NKAIN2: variants seen among roughly 807,000 people sequenced by gnomAD.
NKAIN2 encodes the protein sodium/potassium transporting ATPase interacting 2.
NKAIN2 carries 14 observed loss-of-function variants against 32.6 expected under a neutral mutation model. The observed-to-expected ratio is 0.43, with a 90% CI of 0.28 to 0.67. NKAIN2 has a LOEUF of 0.67. Among genes scored for constraint, NKAIN2 ranks in the 30% least tolerant of loss-of-function variants. NKAIN2 has a pLI of 0.17. For missense variants in NKAIN2, 198 were observed against 258.3 expected (o/e 0.77, Z 1.60); for synonymous variants, 80 against 87.2 (o/e 0.92, Z 0.46).
chr6:124,476,097 T>TGTGTGTGTGC (rs1491311913), intron 3 of NKAIN2, among the ~76,000 whole-genome samples: 17 of 128,574 alleles, frequency 1.3e-4, no homozygotes, highest in African/African-American at 4.6e-4. Context: ...TGTGTGTGTG[T>TGTGTGTGTGC]GCGTGCGCGC....
intron 3 of NKAIN2, among the ~76,000 whole-genome samples, chr6:124,636,982 C>T (rs948561465): frequency 1.3e-5 from 2 of 151,960 alleles, no homozygotes; most frequent in Admixed American, 6.6e-5. Flanking sequence ...TGGATGCAAA[C>T]GTCCTCAACA....
intron 1 of NKAIN2, among the ~76,000 whole-genome samples, chr6:123,960,845 G>C (rs985908745): frequency 6.6e-6 from 1 of 151,642 alleles, no homozygotes; most frequent in Non-Finnish European, 1.5e-5. Context: ...TAGAGTAAGG[G>C]AGTGGGGGCT....
chr6:124,315,830 A>G (rs1208928469), intron 2 of NKAIN2, among the ~76,000 whole-genome samples: 1 of 152,106 alleles, frequency 6.6e-6, no homozygotes, highest in Non-Finnish European at 1.5e-5. Flanking sequence ...ATTAACTCTT[A>G]TTTGCTTATA....
chr6:124,665,511 CT>C (rs1177211737), intron 4 of NKAIN2, among the ~76,000 whole-genome samples: 10 of 152,174 alleles, frequency 6.6e-5, no homozygotes, highest in African/African-American at 9.7e-5. Flanking sequence ...GTTCTCTATA[CT>C]GGCTGAGAAT....
intron 1 of NKAIN2, among the ~76,000 whole-genome samples, chr6:124,066,068 G>T (rs1783158449): frequency 1.3e-5 from 2 of 152,088 alleles, no homozygotes; most frequent in African/African-American, 4.8e-5. Flanking sequence ...TTGCACCTCT[G>T]CACAATCTCA....
rs189551196 is a variant in NKAIN2, at chr6:124,218,693, C to T, written c.55-64312C>T. The stretch of plus-strand genomic sequence containing the variant: ...AGAGTTGATTTGTTCTGACATAATT[C>T]TAATCAATTATAGTAAGTTGTAGAT... On this transcript the variant is annotated intron_variant, in intron 1 of 6. Coordinates refer to ENST00000368417, the MANE Select transcript of NKAIN2 (RefSeq NM_001040214.3). 3.9e-5 allele frequency among the ~76,000 whole-genome samples: 6 copies of T among 152,184 alleles called. No homozygotes were observed. In the East Asian group the frequency reaches 1.2e-3, roughly 29 times the overall value.
chr6:123,966,914 CT>C (rs1404381988), intron 1 of NKAIN2, among the ~76,000 whole-genome samples: 1 of 152,102 alleles, frequency 6.6e-6, no homozygotes, highest in African/African-American at 2.4e-5. Flanking sequence ...AGTAGTGTTG[CT>C]ATTTTATGCT....
intron 3 of NKAIN2, among the ~76,000 whole-genome samples, chr6:124,371,040 T>A (rs765231134): frequency 1.3e-5 from 2 of 152,164 alleles, no homozygotes; most frequent in Non-Finnish European, 2.9e-5. Flanking sequence ...GTGTGCTACA[T>A]AATGAGTCCA....
chr6:124,636,717 A>G (rs1291493943), intron 3 of NKAIN2, among the ~76,000 whole-genome samples: 1 of 152,034 alleles, frequency 6.6e-6, no homozygotes, highest in African/African-American at 2.4e-5. Flanking sequence ...AAGAAATAGA[A>G]AACCTAAACA....
chr6:124,008,710 C>T (rs965410764), intron 1 of NKAIN2, among the ~76,000 whole-genome samples: 2 of 152,184 alleles, frequency 1.3e-5, no homozygotes, highest in Non-Finnish European at 2.9e-5. Context: ...ATGGGTCAAG[C>T]TTTAACCCTC....
chr6:124,416,802 A>T (rs1056527792), intron 3 of NKAIN2, among the ~76,000 whole-genome samples: 1 of 152,074 alleles, frequency 6.6e-6, no homozygotes, highest in Non-Finnish European at 1.5e-5. Context: ...TGTCCAGCCA[A>T]GGTGGTATCA....
chr6:124,402,117 CCA>C (rs1407656010), intron 3 of NKAIN2, among the ~76,000 whole-genome samples: 3 of 151,952 alleles, frequency 2.0e-5, no homozygotes, highest in Admixed American at 2.0e-4. Context: ...TGTGTAGAGA[CCA>C]GGGATTCTGC....
chr6:124,611,050 A>G (rs1782669909), intron 3 of NKAIN2, among the ~76,000 whole-genome samples: 1 of 152,222 alleles, frequency 6.6e-6, no homozygotes, highest in African/African-American at 2.4e-5. Flanking sequence ...AATTTAGAGA[A>G]CACTTTTTTG....
At chr6:124,625,865 G>A (rs1783306324) in intron 3 of NKAIN2, among the ~76,000 whole-genome samples, 1 of 149,122 alleles carries the variant, frequency 6.7e-6, no homozygotes, top group African/African-American at 2.4e-5. Context: ...TCGTTCCAAA[G>A]CTTCTACTCT....
chr6:124,142,436 T>C (rs1043991162), intron 1 of NKAIN2, among the ~76,000 whole-genome samples: 3 of 152,240 alleles, frequency 2.0e-5, no homozygotes, highest in African/African-American at 7.2e-5. Flanking sequence ...TATTTGTTAC[T>C]TCTACTAAAT....
intron 3 of NKAIN2, among the ~76,000 whole-genome samples, chr6:124,380,459 T>C (rs1226083884): frequency 1.3e-5 from 2 of 152,178 alleles, no homozygotes; most frequent in African/African-American, 2.4e-5. Flanking sequence ...TTCTGGGAAA[T>C]TGATTTTTAA....
At chr6:124,701,497 T>C (rs1206718945) in intron 4 of NKAIN2, among the ~76,000 whole-genome samples, 2 of 151,982 alleles carry the variant, frequency 1.3e-5, no homozygotes, top group African/African-American at 4.8e-5. Flanking sequence ...AATTAAACAA[T>C]ACAAACTGGC....
intron 2 of NKAIN2, among the ~76,000 whole-genome samples, chr6:124,335,624 C>T (rs753226612): frequency 1.6e-4 from 25 of 152,108 alleles, no homozygotes; most frequent in Non-Finnish European, 2.6e-4. Flanking sequence ...AACTACCACA[C>T]ATCTACCATA....
At chr6:124,354,130 G>A (rs566805530) in intron 2 of NKAIN2, among the ~76,000 whole-genome samples, 13 of 152,216 alleles carry the variant, frequency 8.5e-5, no homozygotes, top group Middle Eastern at 3.4e-3. Context: ...CTTCTGGAAG[G>A]TGTTTCTTAA....
Sources: gnomAD v4.1 joint callset for allele counts (sites outside exome capture counted in the v4.1 genomes callset) on GRCh38, gnomAD v4.1.1 for gene constraint, MANE v1.5 for transcripts, NCBI Gene and HGNC (gene_info 2026-07-23, HGNC 2026-07-21) for gene names.